The following MACROD2 variants were observed in gnomAD, a reference collection of about 807,000 sequenced individuals.
MACROD2 encodes mono-ADP ribosylhydrolase 2, also known as ADP-ribose glycohydrolase MACROD2.
MACROD2 carries 36 observed loss-of-function variants against 70.4 expected under a neutral mutation model. The observed-to-expected ratio is 0.51, with a 90% CI of 0.39 to 0.68. The LOEUF (loss-of-function observed/expected upper bound fraction) is 0.68, where lower values mean the gene tolerates loss of function less well. Ranked by LOEUF, MACROD2 falls within the 30% of genes least tolerant of loss-of-function variation. The probability of loss-of-function intolerance (pLI) is 0.00; values close to 1 mark genes in which losing one functional copy is unlikely to be tolerated. For missense variants in MACROD2, 496 were observed against 538.4 expected, an observed-to-expected ratio of 0.92 and a Z score of 0.78; for synonymous variants, 172 against 178.8, an observed-to-expected ratio of 0.96 and a Z score of 0.30.
chr20:15,608,252 TC>T (rs1201527690), intron 8 of MACROD2, among the ~76,000 whole-genome samples: 1 of 152,226 alleles, frequency 6.6e-6, no homozygotes, highest in Non-Finnish European at 1.5e-5. Context: ...ACGTGCACTC[TC>T]TCCCTGTCAC....
Position 14,326,179 on chromosome 20 carries a change from A to G in MACROD2, c.272-167300A>G. On this transcript the variant is annotated intron_variant, in intron 3 of 17. Coordinates refer to ENST00000684519, the MANE Select transcript of MACROD2 (RefSeq NM_001351661.2). This position sits in a 1 kb window ranked among gnomAD's most constrained non-coding sequence, Gnocchi z 5.5. Reference sequence around the variant, plus strand: ...AGATCCAAATGCCGGGCTATGGCCCAGTTTAAGCCAGCTGAGTCTCAAAGC... The same window carrying G: ...AGATCCAAATGCCGGGCTATGGCCCGGTTTAAGCCAGCTGAGTCTCAAAGC... 6.2e-7 allele frequency: 1 copy of G among 1,613,912 alleles called. No homozygotes were observed. Among genetic ancestry groups the G allele is most frequent in the East Asian group, 2.2e-5 (1 of 44,868 alleles).
At chr20:14,026,164 A>G (rs754322522) in intron 2 of MACROD2, among the ~76,000 whole-genome samples, 11 of 152,120 alleles carry the variant, frequency 7.2e-5, no homozygotes, top group Non-Finnish European at 1.6e-4. Context: ...CTAGGATTGC[A>G]ACCCCTGTTT....
At chr20:15,905,862 C>G (rs1022261914) in intron 10 of MACROD2, among the ~76,000 whole-genome samples, 2 of 152,302 alleles carry the variant, frequency 1.3e-5, no homozygotes, top group East Asian at 3.9e-4. Flanking sequence ...TCTCCTACCT[C>G]TTGTCACTCT....
intron 6 of MACROD2, among the ~76,000 whole-genome samples, chr20:15,380,341 T>C (rs2045626816): frequency 6.6e-6 from 1 of 151,972 alleles, no homozygotes; most frequent in East Asian, 1.9e-4. Context: ...TAGGGAGTCA[T>C]GTGGTTGACT....
chr20:14,949,411 A>G (rs1040391953), intron 5 of MACROD2, among the ~76,000 whole-genome samples: 2 of 152,156 alleles, frequency 1.3e-5, no homozygotes, highest in East Asian at 1.9e-4. Context: ...TCCCCTTCAG[A>G]GGCAGGGTTT....
At chr20:15,043,067 G>A (rs1228858993) in intron 5 of MACROD2, among the ~76,000 whole-genome samples, 1 of 152,096 alleles carries the variant, frequency 6.6e-6, no homozygotes, top group African/African-American at 2.4e-5. Flanking sequence ...GCTTTGCTGT[G>A]TCCTTCATTC....
intron 4 of MACROD2, among the ~76,000 whole-genome samples, chr20:14,564,111 A>G (rs569010956): frequency 2.0e-5 from 3 of 152,078 alleles, no homozygotes; most frequent in Admixed American, 6.6e-5. Flanking sequence ...ATCTTATTCA[A>G]TAAATGGTGC....
chr20:14,702,626 CAT>C lies in MACROD2; in HGVS notation c.418+17676_418+17677del, dbSNP rs200287028. 9.8e-3 allele frequency among the ~76,000 whole-genome samples: 365 copies of C among 37,270 alleles called. 47 individuals carry two copies. Among genetic ancestry groups the C allele is most frequent in the African/African-American group, 0.027 (262 of 9,772 alleles). The allele number at this position is 37,270 out of a possible 152,430, so 24.5% of individuals were successfully genotyped here. ...GTATATATATGTGTATATATATATACATATATATATGTATATATATATACACA... is the reference window on the plus strand; with the variant it reads ...GTATATATATGTGTATATATATATACATATATATGTATATATATATACACA... On this transcript the variant is annotated intron_variant, in intron 5 of 17. Transcript: ENST00000684519.
chr20:14,967,559 G>A (rs1481389040), intron 5 of MACROD2, among the ~76,000 whole-genome samples: 3 of 152,122 alleles, frequency 2.0e-5, no homozygotes, highest in African/African-American at 7.2e-5. Flanking sequence ...TTCTCAGTCT[G>A]TGTCTTGCCA....
At chr20:14,179,080 G>GGAATTGATA (rs2081286967) in intron 3 of MACROD2, among the ~76,000 whole-genome samples, 1 of 152,100 alleles carries the variant, frequency 6.6e-6, no homozygotes, top group African/African-American at 2.4e-5. Context: ...CAGGAGGGAA[G>GGAATTGATA]GAATTGATAG....
chr20:14,537,469 G>A (rs1042797722), intron 4 of MACROD2, among the ~76,000 whole-genome samples: 1 of 152,088 alleles, frequency 6.6e-6, no homozygotes, highest in Non-Finnish European at 1.5e-5. Flanking sequence ...TTTTCTCTTG[G>A]GGGTGTTTAA....
chr20:14,104,011 T>A (rs1368179128), intron 3 of MACROD2, among the ~76,000 whole-genome samples: 1 of 152,074 alleles, frequency 6.6e-6, no homozygotes, highest in Admixed American at 6.6e-5. Flanking sequence ...CACATACACA[T>A]ACATGTATAT....
In MACROD2 at chr20:15,636,089, A is replaced by AAAAG. The variant is rs1338673417; in HGVS notation, c.645+136250_645+136253dup. Among the ~76,000 whole-genome samples the AAAAG allele has an allele frequency of 5.5e-3, 744 of 135,020 alleles. 21 individuals are homozygous for AAAAG. Among genetic ancestry groups the AAAAG allele is most frequent in the African/African-American group, 0.019 (682 of 36,850 alleles). 88.6% of individuals were successfully genotyped at this position (135,020 alleles called of 152,430 possible). ...TCCCTCTCAAAAGAAAAAAAAAAAAAAAAGAAAGAAAAGAAAAGAAAAAAG... is the reference window on the plus strand; with the variant it reads ...TCCCTCTCAAAAGAAAAAAAAAAAAAAAAGAAAGAAAGAAAAGAAAAGAAAAAAG... On this transcript the variant is annotated intron_variant, in intron 8 of 17. Coordinates refer to ENST00000684519, the MANE Select transcript of MACROD2 (RefSeq NM_001351661.2).
At chr20:15,190,185 A>G (rs2076561041) in intron 5 of MACROD2, among the ~76,000 whole-genome samples, 1 of 152,206 alleles carries the variant, frequency 6.6e-6, no homozygotes, top group Admixed American at 6.5e-5. Context: ...TATTTTAAAT[A>G]GATTCTCTTA....
intron 8 of MACROD2, among the ~76,000 whole-genome samples, chr20:15,729,592 G>A (rs1014706346): frequency 6.6e-6 from 1 of 152,034 alleles, no homozygotes; most frequent in Non-Finnish European, 1.5e-5. Context: ...TATATATTTA[G>A]GATATTAGGT....
At chr20:15,985,742 GT>G (rs2066472127) in intron 13 of MACROD2, 1 of 152,246 alleles carries the variant, frequency 6.6e-6, no homozygotes, top group African/African-American at 2.4e-5. Flanking sequence ...CAGTTACCTC[GT>G]TTCCCCGTCA....
intron 3 of MACROD2, among the ~76,000 whole-genome samples, chr20:14,312,283 A>G (rs2082574580): frequency 6.6e-6 from 1 of 152,156 alleles, no homozygotes; most frequent in Non-Finnish European, 1.5e-5. Context: ...GAAACTTGAA[A>G]CTAGTGAGGC....
intron 3 of MACROD2, among the ~76,000 whole-genome samples, chr20:14,220,204 C>G (rs749907248): frequency 6.6e-6 from 1 of 151,704 alleles, no homozygotes; most frequent in Non-Finnish European, 1.5e-5. Flanking sequence ...GGTCTTGCTG[C>G]GGCTGCTGTT....
intron 9 of MACROD2, among the ~76,000 whole-genome samples, chr20:15,884,062 A>C (rs1354655838): frequency 6.6e-6 from 1 of 152,092 alleles, no homozygotes; most frequent in Non-Finnish European, 1.5e-5. Flanking sequence ...TTATCCCACT[A>C]TACAGCTGAT....
Sources: gnomAD v4.1 joint callset for allele counts (sites outside exome capture counted in the v4.1 genomes callset) on GRCh38, gnomAD v4.1.1 for gene constraint, Gnocchi (gnomAD v3.1) non-coding constraint, MANE v1.5 for transcripts, NCBI Gene and HGNC (gene_info 2026-07-23, HGNC 2026-07-21) for gene names.